Variants in SLC30A8 observed in about 807,000 individuals in gnomAD.
SLC30A8 encodes the protein proton-coupled zinc antiporter SLC30A8.
Under a neutral mutation model 36.9 loss-of-function variants are expected in SLC30A8, and 27 were observed. The ratio of observed to expected loss-of-function variants is 0.73; its 90% CI spans 0.54 to 1.01. SLC30A8 has a LOEUF of 1.01. Ranked by LOEUF, SLC30A8 falls within the 50% of genes least tolerant of loss-of-function variation. SLC30A8 has a pLI of 0.00. For synonymous variants in SLC30A8, 164 were observed against 172.4 expected, an observed-to-expected ratio of 0.95 and a Z score of 0.38; for missense variants, 439 against 452.0, an observed-to-expected ratio of 0.97 and a Z score of 0.26.
intron 1 of SLC30A8, among the ~76,000 whole-genome samples, chr8:117,011,395 C>T (rs556110828): frequency 1.2e-3 from 184 of 152,230 alleles, no homozygotes; most frequent in Non-Finnish European, 2.2e-3. Flanking sequence ...CCTCTTATTG[C>T]GAAGTTCCTT....
chr8:117,059,211 A>C (rs1042726560), intron 2 of SLC30A8, among the ~76,000 whole-genome samples: 1 of 152,190 alleles, frequency 6.6e-6, no homozygotes, highest in Non-Finnish European at 1.5e-5. Flanking sequence ...GAAAGAGAAA[A>C]GGACTGCTGT....
At chr8:116,960,980 A>G (rs1044756645) in intron 1 of SLC30A8, among the ~76,000 whole-genome samples, 2 of 152,072 alleles carry the variant, frequency 1.3e-5, no homozygotes, top group African/African-American at 4.8e-5. Context: ...CTGTAATATT[A>G]TTAGTACAGA....
intron 2 of SLC30A8, among the ~76,000 whole-genome samples, chr8:117,041,356 AT>A (rs1817381723): frequency 6.6e-6 from 1 of 152,194 alleles, no homozygotes; most frequent in East Asian, 1.9e-4. Flanking sequence ...TGAAAAAGGA[AT>A]TTGTATGTGA....
At chr8:117,015,348 A>G (rs1193934197) in intron 1 of SLC30A8, among the ~76,000 whole-genome samples, 2 of 152,120 alleles carry the variant, frequency 1.3e-5, no homozygotes, top group Non-Finnish European at 2.9e-5. Context: ...TCAGACACAC[A>G]AACACATACA....
intron 2 of SLC30A8, among the ~76,000 whole-genome samples, chr8:117,149,964 C>T (rs993528464): frequency 2.6e-5 from 4 of 152,272 alleles, no homozygotes; most frequent in South Asian, 4.1e-4. Flanking sequence ...GCCAGTGAAC[C>T]TCATGTGCAC....
intron 2 of SLC30A8, among the ~76,000 whole-genome samples, chr8:117,054,063 A>G (rs1444686214): frequency 6.6e-6 from 1 of 151,778 alleles, no homozygotes; most frequent in African/African-American, 2.4e-5. Context: ...AATAGCTAAC[A>G]GGCACTGAAC....
At position 117,053,789 on chromosome 8, in the gene SLC30A8, C is replaced by G. The variant is rs182804830; in HGVS notation, c.-226+14531C>G. On this transcript the variant is annotated intron_variant, in intron 2 of 10. Transcript: ENST00000427715. ...GAGCAACTGAAATAGTCAGTGATAC[C>G]TGCAGGCAGGGATTTTTAGGTTTTT... Among the ~76,000 whole-genome samples the G allele has an allele frequency of 1.1e-4, 16 of 152,334 alleles. No homozygotes were observed. In the East Asian group the frequency reaches 3.1e-3, roughly 29 times the overall value.
intron 2 of SLC30A8, among the ~76,000 whole-genome samples, chr8:117,114,869 T>C (rs16889416): frequency 0.057 from 8,654 of 151,950 alleles, 656 homozygotes; most frequent in African/African-American, 0.17. Context: ...GTAAGTTAAT[T>C]GCCTTCTTTG....
chr8:117,083,329 A>C (rs897387176), intron 2 of SLC30A8, among the ~76,000 whole-genome samples: 12 of 152,096 alleles, frequency 7.9e-5, no homozygotes, highest in African/African-American at 2.9e-4. Context: ...GCTCTCCTGG[A>C]ATTATCCTCA....
rs1220994519 is a variant in SLC30A8, at chr8:117,175,191, T to G, written c.*2510T>G. 6.6e-6 allele frequency: 1 copy of G among 152,168 alleles called. No homozygotes were observed. The highest frequency in any genetic ancestry group is 1.5e-5 in the Non-Finnish European group (1 of 68,026). The allele number at this position is 152,168 out of a possible 1,614,324, so 9.4% of individuals were successfully genotyped here. A position where few individuals can be genotyped will look rare whatever the true frequency, so the allele number is the denominator to read the frequency against. ...TAGGTTTGTTACATAGGTATACATGTGCCATGGTGGTTTGCTGCACTCATC... is the reference window on the plus strand; with the variant it reads ...TAGGTTTGTTACATAGGTATACATGGGCCATGGTGGTTTGCTGCACTCATC... On this transcript the variant is annotated 3_prime_UTR_variant, in exon 8 of 8. Transcript: ENST00000456015.
chr8:116,980,683 ACT>A (rs1334105050), intron 1 of SLC30A8, among the ~76,000 whole-genome samples: 18 of 152,124 alleles, frequency 1.2e-4, no homozygotes, highest in Admixed American at 6.5e-4. Context: ...GGAATAGAAA[ACT>A]CTATGCTGCA....
intron 2 of SLC30A8, among the ~76,000 whole-genome samples, chr8:117,058,270 A>G (rs1008931354): frequency 2.0e-5 from 3 of 152,050 alleles, no homozygotes; most frequent in African/African-American, 7.2e-5. Context: ...TGAATTCCTT[A>G]TATATTTTGC....
At chr8:117,035,616 C>A (rs1817187939) in intron 1 of SLC30A8, among the ~76,000 whole-genome samples, 1 of 152,236 alleles carries the variant, frequency 6.6e-6, no homozygotes, top group Non-Finnish European at 1.5e-5. Flanking sequence ...AGCAGTGCCC[C>A]AGTGAGGACT....
chr8:117,032,046 T>C (rs1032591574), intron 1 of SLC30A8, among the ~76,000 whole-genome samples: 1 of 152,218 alleles, frequency 6.6e-6, no homozygotes, highest in Non-Finnish European at 1.5e-5. Context: ...TATCTTGCGG[T>C]TGTATGCTCC....
At chr8:117,077,473 T>C (rs186535398) in intron 2 of SLC30A8, among the ~76,000 whole-genome samples, 87 of 152,354 alleles carry the variant, frequency 5.7e-4, no homozygotes, top group African/African-American at 1.9e-3. Flanking sequence ...ATTTTGGTTT[T>C]AATCTAAGGC....
At chr8:117,009,125 G>C (rs989562146) in intron 1 of SLC30A8, among the ~76,000 whole-genome samples, 1 of 152,156 alleles carries the variant, frequency 6.6e-6, no homozygotes, top group South Asian at 2.1e-4. Flanking sequence ...TGCTTAGAAA[G>C]TTGCTGATAA....
chr8:117,028,526 A>G (rs1487324661), intron 1 of SLC30A8, among the ~76,000 whole-genome samples: 3 of 150,772 alleles, frequency 2.0e-5, no homozygotes, highest in African/African-American at 7.3e-5. Context: ...TGACATGTAT[A>G]AATCTCTGCA....
intron 2 of SLC30A8, among the ~76,000 whole-genome samples, chr8:117,100,125 A>G (rs1256697056): frequency 6.6e-6 from 1 of 152,208 alleles, no homozygotes; most frequent in Non-Finnish European, 1.5e-5. Context: ...AATAACAATT[A>G]TCTACTATTT....
intron 4 of SLC30A8, among the ~76,000 whole-genome samples, chr8:117,160,801 GC>G (rs1389730036): frequency 2.6e-5 from 4 of 152,188 alleles, no homozygotes; most frequent in Non-Finnish European, 5.9e-5. Flanking sequence ...GATCTAGATG[GC>G]TAGCGGTCAT....
Sources: allele counts gnomAD v4.1 joint callset (sites outside exome capture counted in the v4.1 genomes callset), GRCh38; gene constraint gnomAD v4.1.1; transcripts MANE v1.5; gene names NCBI Gene and HGNC (gene_info 2026-07-23, HGNC 2026-07-21).